Variants in FRMD3 observed in about 807,000 individuals in gnomAD.
The protein encoded by FRMD3 is FERM domain containing 3, also known as FERM domain-containing protein 3.
Under a neutral mutation model 70.2 loss-of-function variants are expected in FRMD3, and 33 were observed. The observed-to-expected ratio is 0.47, with a 90% CI of 0.36 to 0.63. The LOEUF (loss-of-function observed/expected upper bound fraction) is 0.63, where lower values mean the gene tolerates loss of function less well. Among genes scored for constraint, FRMD3 ranks in the 20% least tolerant of loss-of-function variants. The probability of loss-of-function intolerance (pLI) is 0.00; values close to 1 mark genes in which losing one functional copy is unlikely to be tolerated. For missense variants in FRMD3, 632 were observed against 711.4 expected (o/e 0.89, Z 1.27); for synonymous variants, 279 against 255.9 (o/e 1.09, Z -0.86).
At chr9:83,325,366 G>A (rs3903843) in intron 6 of FRMD3, among the ~76,000 whole-genome samples, 34,681 of 151,670 alleles carry the variant, frequency 0.23, 4,382 homozygotes, top group Admixed American at 0.3. Context: ...TCACTCTATC[G>A]CCCAGGCTGG....
chr9:83,263,964 T>C (rs1833111072), intron 13 of FRMD3, among the ~76,000 whole-genome samples: 1 of 152,190 alleles, frequency 6.6e-6, no homozygotes, highest in Non-Finnish European at 1.5e-5. Flanking sequence ...TCCTGAATAG[T>C]GGCCTTGATA....
At chr9:83,364,464 G>A (rs531689471) in intron 3 of FRMD3, among the ~76,000 whole-genome samples, 216 of 151,788 alleles carry the variant, frequency 1.4e-3, no homozygotes, top group African/African-American at 4.6e-3. Flanking sequence ...GCTGAGGCAG[G>A]AGAATTGCTT....
chr9:83,579,033 T>C, the FRMD3 span, among the ~76,000 whole-genome samples: 1 of 151,486 alleles, frequency 6.6e-6, no homozygotes, highest in Non-Finnish European at 1.5e-5. Context: ...TAACAAACTA[T>C]TCAAAAAGGA....
In FRMD3 at chr9:83,247,830, G is replaced by A; in HGVS notation, c.*88C>T. 2.0e-6 allele frequency: 3 copies of A among 1,531,258 alleles called. No individual in the cohort carries two copies. Among genetic ancestry groups the A allele is most frequent in the Non-Finnish European group, 2.6e-6 (3 of 1,142,064 alleles). 94.9% of individuals were successfully genotyped at this position (1,531,258 alleles called of 1,614,324 possible). ...TATGAGTAAGGAACACCTGTTGACAGCCCCGTGACCCTTCAGAACCAGGCA... is the reference window on the plus strand; with the variant it reads ...TATGAGTAAGGAACACCTGTTGACAACCCCGTGACCCTTCAGAACCAGGCA... On this transcript the variant is annotated 3_prime_UTR_variant, in exon 14 of 14. Transcript: ENST00000304195.
chr9:83,510,005 T>C (rs1202528954), intron 1 of FRMD3, among the ~76,000 whole-genome samples: 1 of 152,168 alleles, frequency 6.6e-6, no homozygotes, highest in Non-Finnish European at 1.5e-5. Context: ...GCTTTAAATC[T>C]TCATTTTTCA....
intron 13 of FRMD3, among the ~76,000 whole-genome samples, chr9:83,264,914 GCCAA>G (rs1833169854): frequency 6.6e-6 from 1 of 151,834 alleles, no homozygotes; most frequent in African/African-American, 2.4e-5. Flanking sequence ...ACGTGAAATT[GCCAA>G]TTTTGAAGGT....
intron 1 of FRMD3, among the ~76,000 whole-genome samples, chr9:83,463,830 T>C (rs937099896): frequency 7.9e-5 from 12 of 152,198 alleles, no homozygotes; most frequent in African/African-American, 2.9e-4. Flanking sequence ...TGCCCATTGA[T>C]GGCCAGTGTG....
chr9:83,464,586 T>C (rs1828067210), intron 1 of FRMD3, among the ~76,000 whole-genome samples: 1 of 152,106 alleles, frequency 6.6e-6, no homozygotes, highest in Non-Finnish European at 1.5e-5. Flanking sequence ...CTCAATCTGA[T>C]CGAAACCCAT....
intron 5 of FRMD3, among the ~76,000 whole-genome samples, chr9:83,335,952 C>G (rs905391108): frequency 6.6e-6 from 1 of 152,074 alleles, no homozygotes; most frequent in Non-Finnish European, 1.5e-5. Flanking sequence ...TTTATTATTT[C>G]AGATTTTCTA....
intron 2 of FRMD3, among the ~76,000 whole-genome samples, 177 bp downstream of exon 2, chr9:83,389,427 T>C (rs957329552): frequency 6.6e-6 from 1 of 152,166 alleles, no homozygotes; most frequent in African/African-American, 2.4e-5. Flanking sequence ...TTTTCCCTTC[T>C]CTTGCTCCAC....
intron 1 of FRMD3, 111 bp from the exon 2 acceptor site, chr9:83,389,819 A>G (rs866678456): frequency 1.4e-6 from 1 of 698,272 alleles, no homozygotes; most frequent in Non-Finnish European, 2.5e-6. Context: ...AAATGTGCTC[A>G]CTCCAGTCCC....
chr9:83,413,028 G>T (rs1826325111), intron 1 of FRMD3, among the ~76,000 whole-genome samples: 1 of 151,616 alleles, frequency 6.6e-6, no homozygotes, highest in African/African-American at 2.4e-5. Context: ...AAAGAAAACA[G>T]AAAAGAAAGA....
At chr9:83,369,401 C>A (rs1303281222) in intron 3 of FRMD3, among the ~76,000 whole-genome samples, 1 of 151,898 alleles carries the variant, frequency 6.6e-6, no homozygotes, top group Non-Finnish European at 1.5e-5. Context: ...TATGGCAAAA[C>A]CCTGTCTCTA....
intron 6 of FRMD3, among the ~76,000 whole-genome samples, chr9:83,314,851 T>C (rs1180683723): frequency 2.0e-5 from 3 of 152,136 alleles, no homozygotes; most frequent in Non-Finnish European, 4.4e-5. Flanking sequence ...TCTCTCTCTC[T>C]CCCACTCTCT....
chr9:83,337,115 G>GT (rs1420987699), intron 5 of FRMD3, among the ~76,000 whole-genome samples: 2 of 152,152 alleles, frequency 1.3e-5, no homozygotes, highest in Non-Finnish European at 2.9e-5. Flanking sequence ...ATGCATGCCT[G>GT]TGCCTTCCTT....
Position 83,343,224 on chromosome 9 carries a change from AG to A in FRMD3, c.437del (p.Ser146LeufsTer45). Reference sequence around the variant, plus strand: ...TACAGGCACCCAGGTAGGCAGCATCAGAAAAGGAGCACAGCAGGCGGCCATG... The same window carrying A: ...TACAGGCACCCAGGTAGGCAGCATCAAAAAGGAGCACAGCAGGCGGCCATG... ...IFHGRLLCSF[S>X]DAAYLGACIV... is the part of the protein sequence containing the mutation. On this transcript the variant is annotated frameshift_variant, in exon 5 of 14. Transcript: ENST00000304195. LOFTEE classifies it high-confidence loss of function. 6.2e-7 allele frequency: 1 copy of A among 1,614,020 alleles called. No individual in the cohort carries two copies. The highest frequency in any genetic ancestry group is 8.5e-7 in the Non-Finnish European group (1 of 1,179,890).
At chr9:83,283,611 C>T (rs1234637967) in intron 13 of FRMD3, among the ~76,000 whole-genome samples, 1 of 151,200 alleles carries the variant, frequency 6.6e-6, no homozygotes, top group African/African-American at 2.4e-5. Context: ...TTTTATTTTG[C>T]TAATCCAATA....
chr9:83,533,676 A>G (rs1829833840), intron 1 of FRMD3, among the ~76,000 whole-genome samples: 1 of 152,262 alleles, frequency 6.6e-6, no homozygotes, highest in Admixed American at 6.5e-5. Context: ...TATATAGAAT[A>G]GTAGGCACTA....
intron 6 of FRMD3, among the ~76,000 whole-genome samples, chr9:83,314,350 C>T (rs576560822): frequency 1.5e-4 from 23 of 152,288 alleles, no homozygotes; most frequent in African/African-American, 5.5e-4. Flanking sequence ...TCAGGGCTAA[C>T]ATCTAAAGAA....
Sources: gnomAD v4.1 joint callset for allele counts (sites outside exome capture counted in the v4.1 genomes callset) on GRCh38, gnomAD v4.1.1 for gene constraint, MANE v1.5 for transcripts, NCBI Gene and HGNC (gene_info 2026-07-23, HGNC 2026-07-21) for gene names.